Variants in SETD3 observed in about 807,000 individuals in gnomAD.
SETD3 encodes actin-histidine N-methyltransferase.
SETD3 carries 19 observed loss-of-function variants against 63.0 expected under a neutral mutation model. That is an observed-to-expected ratio of 0.30 (90% CI 0.21 to 0.44). SETD3 has a LOEUF of 0.44. Ranked by LOEUF, SETD3 falls within the 20% of genes least tolerant of loss-of-function variation. The pLI is 1.00. For synonymous variants in SETD3, 286 were observed against 264.1 expected, an observed-to-expected ratio of 1.08 and a Z score of -0.80; for missense variants, 587 against 728.5, an observed-to-expected ratio of 0.81 and a Z score of 2.24.
At chr14:99,404,459 G>A (rs1196475130) in intron 10 of SETD3, 149 bp from the exon 11 acceptor site, 2 of 672,574 alleles carry the variant, frequency 3.0e-6, no homozygotes, top group Non-Finnish European at 5.0e-6. Context: ...TCAACTGTGA[G>A]CACGATTTTC....
chr14:99,478,079 G>A (rs1271139414), intron 1 of SETD3, among the ~76,000 whole-genome samples: 1 of 151,962 alleles, frequency 6.6e-6, no homozygotes. Context: ...GACTATAGCA[G>A]GAGAGAAAAG....
At chr14:99,440,747 A>G (rs1002349644) in intron 6 of SETD3, among the ~76,000 whole-genome samples, 2 of 151,976 alleles carry the variant, frequency 1.3e-5, no homozygotes, top group African/African-American at 4.8e-5. Flanking sequence ...AAAAAAAAAA[A>G]GAACAAAAGG....
Position 99,458,460 on chromosome 14 carries a change from C to G in SETD3, c.494G>C (p.Arg165Pro). Residue 165 changes from arginine to proline, a missense_variant, in exon 6 of 13, where the codon CGA (arginine) becomes CCA (proline). Transcript: ENST00000331768. ...CTGCCAGAAGGAGTTAGGGCTGGCT[C>G]GCTCACACAGCAAATGAAAGGCCAG... ...IALAFHLLCE[R>P]ASPNSFWQPY... 6.2e-7 allele frequency: 1 copy of G among 1,614,084 alleles called. No homozygotes were observed. The highest frequency in any genetic ancestry group is 8.5e-7 in the Non-Finnish European group (1 of 1,180,018).
chr14:99,483,983 T>C (rs953045905), upstream of SETD3, among the ~76,000 whole-genome samples: 1 of 152,198 alleles, frequency 6.6e-6, no homozygotes, highest in Non-Finnish European at 1.5e-5. Flanking sequence ...GGCTGAAATA[T>C]AATAATAGGC....
chr14:99,414,309 T>C (rs1023264943), intron 6 of SETD3, among the ~76,000 whole-genome samples: 19 of 152,286 alleles, frequency 1.2e-4, no homozygotes, highest in African/African-American at 4.6e-4. Flanking sequence ...GGCCCCGCTC[T>C]GCACCTCATG....
Position 99,479,604 on chromosome 14 carries a change from G to A in SETD3, c.-9+1124C>T, listed in dbSNP as rs540686189. Among the ~76,000 whole-genome samples, 18 of 152,258 alleles carry A rather than the reference G, an allele frequency of 1.2e-4. No individual in the cohort carries two copies. The South Asian group carries it at 3.5e-3, about 30-fold the overall frequency. On this transcript the variant is annotated intron_variant, in intron 1 of 12. Transcript: ENST00000331768. ...CATTTCAAGAAGAAAAACGGGAGAG[G>A]GAGAGGTATATTTTACATAAGATAA...
chr14:99,423,520 T>C (rs1273339664), intron 6 of SETD3, among the ~76,000 whole-genome samples: 1 of 147,164 alleles, frequency 6.8e-6, no homozygotes, highest in Non-Finnish European at 1.5e-5. Flanking sequence ...GTTGATTTTT[T>C]TTAATTGCCT....
chr14:99,465,689 AGAG>A lies in SETD3; in HGVS notation c.103+11_103+13del, dbSNP rs753976035. The A allele has an allele frequency of 2.1e-5, 34 of 1,606,292 alleles. No individual in the cohort carries two copies. The East Asian group carries it at 7.1e-4, about 34-fold the overall frequency. On this transcript the variant is annotated intron_variant, in intron 2 of 12. Transcript: ENST00000331768. ...CACCACATCAAGGCAGGGAGAGCCC[AGAG>A]GAGGACTTACTCTGCAGCAGCTCAC...
intron 6 of SETD3, among the ~76,000 whole-genome samples, chr14:99,450,299 G>C (rs1482389453): frequency 1.3e-5 from 2 of 152,214 alleles, no homozygotes; most frequent in Non-Finnish European, 2.9e-5. Context: ...AAATGTAGAT[G>C]AGAGCTTTAT....
intron 10 of SETD3, among the ~76,000 whole-genome samples, chr14:99,404,679 G>C (rs1156439326): frequency 2.0e-5 from 3 of 151,936 alleles, no homozygotes; most frequent in Non-Finnish European, 1.5e-5. Context: ...ATATTGACAA[G>C]TTCAATAAAA....
chr14:99,466,422 G>A (rs10873504), intron 1 of SETD3, among the ~76,000 whole-genome samples: 147,017 of 152,324 alleles, frequency 0.97, 71,141 homozygotes, highest in East Asian at 1. Flanking sequence ...CTCCCGTCGC[G>A]TTCCAGTGTG....
rs150317244 is a variant in SETD3, at chr14:99,399,741, ATTTTT to A, written c.1338+353_1338+357del. On this transcript the variant is annotated intron_variant, in intron 12 of 12. Transcript: ENST00000331768. ...GAATTAACAAGAAATCTTTCATTAA[ATTTTT>A]TTTTTTTTTTTTTTTTTTTTTTGAG... is the stretch of plus-strand genomic sequence containing the variant. 3.7e-4 allele frequency among the ~76,000 whole-genome samples: 47 copies of A among 127,736 alleles called. 8 individuals are homozygous for A. The highest frequency in any genetic ancestry group is 9.8e-4 in the South Asian group (4 of 4,080). 83.8% of individuals were successfully genotyped at this position (127,736 alleles called of 152,430 possible). A position where few individuals can be genotyped will look rare whatever the true frequency, so the allele number is the denominator to read the frequency against.
intron 6 of SETD3, among the ~76,000 whole-genome samples, chr14:99,457,145 C>A (rs772702174): frequency 6.6e-6 from 1 of 152,230 alleles, no homozygotes; most frequent in Non-Finnish European, 1.5e-5. Flanking sequence ...CAGGTGCACA[C>A]TATATGAAGA....
chr14:99,462,226 G>A (rs1003873210), intron 3 of SETD3, among the ~76,000 whole-genome samples: 1 of 152,196 alleles, frequency 6.6e-6, no homozygotes, highest in Non-Finnish European at 1.5e-5. Flanking sequence ...TGGGGTAGCA[G>A]ATTCTTGGAC....
chr14:99,463,532 A>G lies in SETD3; in HGVS notation c.150T>C (p.Tyr50=), dbSNP rs775217762. The stretch of plus-strand genomic sequence containing the variant: ...TCTCAACCAGAGTCCGGATCTGCAC[A>G]TACTCTTCCCACTCTTTTCCTGGGC... The part of the protein sequence containing the change: ...APGPGKEWEE[Y]VQIRTLVEKI... Residue 50 remains tyrosine, a synonymous_variant, in exon 3 of 13, where the codon TAT becomes TAC. Transcript: ENST00000331768. The G allele has an allele frequency of 1.2e-6, 2 of 1,614,100 alleles. No individual in the cohort carries two copies. The highest frequency in any genetic ancestry group is 1.7e-6 in the Non-Finnish European group (2 of 1,180,030).
At chr14:99,401,825 C>T (rs558939981) in intron 11 of SETD3, among the ~76,000 whole-genome samples, 2 of 152,298 alleles carry the variant, frequency 1.3e-5, no homozygotes, top group Admixed American at 6.5e-5. Context: ...GCCCAAGTTG[C>T]ACTCTGCAAT....
chr14:99,468,320 C>A (rs903624508), intron 1 of SETD3, among the ~76,000 whole-genome samples: 2 of 152,106 alleles, frequency 1.3e-5, no homozygotes, highest in Non-Finnish European at 2.9e-5. Context: ...CATGGTTAGA[C>A]CCTAACACTA....
At chr14:99,442,461 C>T (rs375465777) in intron 6 of SETD3, among the ~76,000 whole-genome samples, 14 of 152,140 alleles carry the variant, frequency 9.2e-5, no homozygotes, top group Admixed American at 3.3e-4. Context: ...TTGAACCACA[C>T]GGGTATGAAC....
chr14:99,454,388 C>T (rs894686921), intron 6 of SETD3, among the ~76,000 whole-genome samples: 1 of 152,116 alleles, frequency 6.6e-6, no homozygotes, highest in Admixed American at 6.5e-5. Flanking sequence ...CCAGGCTTGA[C>T]AGCAACTTTG....
Sources: allele counts gnomAD v4.1 joint callset (sites outside exome capture counted in the v4.1 genomes callset), GRCh38; gene constraint gnomAD v4.1.1; transcripts MANE v1.5; gene names NCBI Gene and HGNC (gene_info 2026-07-23, HGNC 2026-07-21).